ZC3H12C: variants seen among roughly 807,000 people sequenced by gnomAD.
ZC3H12C encodes probable ribonuclease ZC3H12C.
A neutral mutation model predicts 76.3 loss-of-function variants in ZC3H12C; 20 were observed. The observed-to-expected ratio is 0.26, with a 90% CI of 0.18 to 0.38. ZC3H12C has a LOEUF of 0.38. Ranked by LOEUF, ZC3H12C falls within the 10% of genes least tolerant of loss-of-function variation. The pLI, the probability that ZC3H12C is intolerant of heterozygous loss-of-function variation, is 1.00. For synonymous variants in ZC3H12C, 352 were observed against 399.6 expected (o/e 0.88, Z 1.42); for missense variants, 874 against 1,086.5 (o/e 0.80, Z 2.75).
At chr11:110,163,683 T>C (rs543618541) in intron 5 of ZC3H12C, among the ~76,000 whole-genome samples, 8 of 152,212 alleles carry the variant, frequency 5.3e-5, no homozygotes, top group African/African-American at 1.9e-4. Flanking sequence ...CAGATGAGCA[T>C]GGTTCTATCG....
At chr11:110,117,510 T>C (rs1427249271) in intron 1 of ZC3H12C, among the ~76,000 whole-genome samples, 3 of 151,558 alleles carry the variant, frequency 2.0e-5, no homozygotes, top group Admixed American at 6.6e-5. Flanking sequence ...GAATGCTTGC[T>C]ATATGCCTTG....
Position 110,171,191 on chromosome 11 carries a change from C to T in ZC3H12C, c.*5454C>T, listed in dbSNP as rs1591491685. 1 of 152,166 alleles carries T rather than the reference C, an allele frequency of 6.6e-6. No homozygotes were observed. The highest frequency in any genetic ancestry group is 2.4e-5 in the African/African-American group (1 of 41,442). 9.4% of individuals were successfully genotyped at this position (152,166 alleles called of 1,614,324 possible). A position where few individuals can be genotyped will look rare whatever the true frequency, so the allele number is the denominator to read the frequency against. On this transcript the variant is annotated 3_prime_UTR_variant, in exon 6 of 6. Coordinates refer to ENST00000278590, the MANE Select transcript of ZC3H12C (RefSeq NM_033390.2). ...AGGGAAAAAGGCATTGAAAAGCAAT[C>T]GTTTGTTTTTATGAAGAATAGGTGT...
intron 1 of ZC3H12C, among the ~76,000 whole-genome samples, chr11:110,135,372 C>A (rs965368075): frequency 6.6e-6 from 1 of 151,782 alleles, no homozygotes; most frequent in Admixed American, 6.6e-5. Context: ...CACCTGTAAT[C>A]CCAGCTACTC....
rs577179983 is a variant in ZC3H12C at position 110,106,272 on chromosome 11, A to T, written c.21+12840A>T. On this transcript the variant is annotated intron_variant, in intron 1 of 5. Coordinates refer to ENST00000278590, the MANE Select transcript of ZC3H12C (RefSeq NM_033390.2). ...GACAGAGCGAGACTCCGTCTCAAAA[A>T]AAATAAATAAATAAATAAATAAATA... 6.3e-3 allele frequency among the ~76,000 whole-genome samples: 115 copies of T among 18,246 alleles called. 40 individuals carry two copies. In the South Asian group the frequency reaches 0.063, roughly 10 times the overall value. 12.0% of individuals were successfully genotyped at this position (18,246 alleles called of 152,430 possible).
chr11:110,133,249 A>T (rs1861897699), intron 1 of ZC3H12C, among the ~76,000 whole-genome samples: 1 of 152,200 alleles, frequency 6.6e-6, no homozygotes, highest in Non-Finnish European at 1.5e-5. Context: ...TACCATTTGG[A>T]TCAATACAAA....
chr11:110,108,510 G>A (rs974363473), intron 1 of ZC3H12C, among the ~76,000 whole-genome samples: 1 of 152,158 alleles, frequency 6.6e-6, no homozygotes, highest in Non-Finnish European at 1.5e-5. Context: ...TGTAAAAAAC[G>A]ATTAAGTTTA....
At chr11:110,139,869 CTTTTTT>C (rs58867910) in intron 2 of ZC3H12C, among the ~76,000 whole-genome samples, 1 of 131,528 alleles carries the variant, frequency 7.6e-6, no homozygotes. Flanking sequence ...CATATATTTT[CTTTTTT>C]TTTTTTTTTT....
intron 1 of ZC3H12C, among the ~76,000 whole-genome samples, chr11:110,108,053 T>A (rs1434034206): frequency 1.3e-5 from 2 of 151,286 alleles, no homozygotes; most frequent in East Asian, 3.9e-4. Flanking sequence ...GCTCAAGCTA[T>A]CCTCTCACCT....
chr11:110,117,813 T>C (rs11213277), intron 1 of ZC3H12C, among the ~76,000 whole-genome samples: 1 of 118,650 alleles, frequency 8.4e-6, no homozygotes, highest in East Asian at 2.6e-4. Flanking sequence ...TACACACATA[T>C]ATATACACAC....
chr11:110,152,780 C>A (rs1028936193), intron 2 of ZC3H12C, 139 bp from the exon 3 acceptor site: 3 of 930,002 alleles, frequency 3.2e-6, no homozygotes, highest in South Asian at 3.4e-5. Context: ...CGATGTGTCT[C>A]TGATCTATAA....
chr11:110,170,309 AG>A lies in ZC3H12C; in HGVS notation c.*4573del, dbSNP rs1473172606. 4 of 152,306 alleles carry A rather than the reference AG, an allele frequency of 2.6e-5. No individual in the cohort carries two copies. Among genetic ancestry groups the A allele is most frequent in the African/African-American group, 9.6e-5 (4 of 41,580 alleles). The allele number at this position is 152,306 out of a possible 1,614,324, so 9.4% of individuals were successfully genotyped here. ...CCTTACCAACCTTTTGTTTTTTAAAAGTCTCATAGACCAAAAAAAATCTGTT... is the reference window on the plus strand; with the variant it reads ...CCTTACCAACCTTTTGTTTTTTAAAATCTCATAGACCAAAAAAAATCTGTT... On this transcript the variant is annotated 3_prime_UTR_variant, in exon 6 of 6. Coordinates refer to ENST00000278590, the MANE Select transcript of ZC3H12C (RefSeq NM_033390.2).
At chr11:110,094,216 T>A (rs1430180362) in intron 1 of ZC3H12C, among the ~76,000 whole-genome samples, 1 of 152,222 alleles carries the variant, frequency 6.6e-6, no homozygotes, top group Non-Finnish European at 1.5e-5. Flanking sequence ...AATCTCGGTT[T>A]GTGTTCGGTG....
At chr11:110,155,818 G>A (rs1336022069) in intron 3 of ZC3H12C, among the ~76,000 whole-genome samples, 2 of 152,162 alleles carry the variant, frequency 1.3e-5, no homozygotes, top group African/African-American at 4.8e-5. Flanking sequence ...TTGCAACTTT[G>A]TGAGGTTTTT....
intron 1 of ZC3H12C, among the ~76,000 whole-genome samples, chr11:110,114,515 C>T (rs1861490040): frequency 6.6e-6 from 1 of 152,192 alleles, no homozygotes; most frequent in Non-Finnish European, 1.5e-5. Flanking sequence ...TCATCTCTTT[C>T]TCATAGTAGG....
intron 2 of ZC3H12C, among the ~76,000 whole-genome samples, chr11:110,149,807 A>G (rs1862238458): frequency 6.6e-6 from 1 of 151,918 alleles, no homozygotes; most frequent in Non-Finnish European, 1.5e-5. Flanking sequence ...TATGTTGCAA[A>G]TCTCCTCTCC....
At chr11:110,108,084 C>T (rs1354272169) in intron 1 of ZC3H12C, among the ~76,000 whole-genome samples, 1 of 152,064 alleles carries the variant, frequency 6.6e-6, no homozygotes, top group Non-Finnish European at 1.5e-5. Context: ...AGTAGCTGGG[C>T]CCACAGATGC....
rs1207269946 is a variant in ZC3H12C, at chr11:110,105,835, TTTAA to T, written c.21+12407_21+12410del. Among the ~76,000 whole-genome samples the T allele has an allele frequency of 2.6e-5, 4 of 152,326 alleles. No individual in the cohort carries two copies. The East Asian group carries it at 7.7e-4, about 29-fold the overall frequency. Reference sequence around the variant, plus strand: ...CATTCAACATATTTAAGTGCTGTAATTTAATTATGATATTTATTAAAATGTCACC... The same window carrying T: ...CATTCAACATATTTAAGTGCTGTAATTTATGATATTTATTAAAATGTCACC... On this transcript the variant is annotated intron_variant, in intron 1 of 5. Coordinates refer to ENST00000278590, the MANE Select transcript of ZC3H12C (RefSeq NM_033390.2).
At chr11:110,149,788 T>G (rs1021000375) in intron 2 of ZC3H12C, among the ~76,000 whole-genome samples, 4 of 152,196 alleles carry the variant, frequency 2.6e-5, no homozygotes, top group African/African-American at 9.6e-5. Flanking sequence ...AACCTTCTGA[T>G]TGGTATTATA....
chr11:110,154,932 G>A (rs1322428082), intron 3 of ZC3H12C, among the ~76,000 whole-genome samples: 1 of 147,262 alleles, frequency 6.8e-6, no homozygotes, highest in South Asian at 2.2e-4. Context: ...AAGAAAAAAA[G>A]TTCAACCCCA....
Sources: allele counts gnomAD v4.1 joint callset (sites outside exome capture counted in the v4.1 genomes callset), GRCh38; gene constraint gnomAD v4.1.1; transcripts MANE v1.5; gene names NCBI Gene and HGNC (gene_info 2026-07-23, HGNC 2026-07-21).